The following FIG4 variants were observed in gnomAD, a reference collection of about 807,000 sequenced individuals.
FIG4 encodes FIG4 phosphoinositide 5-phosphatase.
FIG4 carries 112 observed loss-of-function variants against 118.6 expected under a neutral mutation model. That is an observed-to-expected ratio of 0.94 (90% CI 0.81 to 1.11). The LOEUF is 1.11. Ranked by LOEUF, FIG4 falls within the 50% of genes least tolerant of loss-of-function variation. The pLI, the probability that FIG4 is intolerant of heterozygous loss-of-function variation, is 0.00. For synonymous variants in FIG4, 369 were observed against 381.2 expected (o/e 0.97, Z 0.37); for missense variants, 969 against 1,111.7 (o/e 0.87, Z 1.83).
chr6:109,763,989 A>C lies in FIG4; in HGVS notation c.1434+7A>C, dbSNP rs773157476. On this transcript the variant is annotated splice_region_variant and intron_variant, in intron 13 of 22. Coordinates refer to ENST00000230124, the MANE Select transcript of FIG4 (RefSeq NM_014845.6). ...TCCCACTGGTCGCCTGCAGGTATAC[A>C]CAGTATTACAATTCGTAATGAATAG... The C allele has an allele frequency of 3.8e-6, 6 of 1,573,900 alleles. No homozygotes were observed. The highest frequency in any genetic ancestry group is 3.3e-5 in the Admixed American group (2 of 59,966).
chr6:109,734,719 T>G (rs1776110294), intron 5 of FIG4, among the ~76,000 whole-genome samples: 1 of 152,064 alleles, frequency 6.6e-6, no homozygotes, highest in African/African-American at 2.4e-5. Flanking sequence ...CATTAATAAT[T>G]AATAGAATTA....
At chr6:109,752,344 G>A (rs1776735024) in intron 10 of FIG4, among the ~76,000 whole-genome samples, 2 of 151,036 alleles carry the variant, frequency 1.3e-5, no homozygotes, top group Admixed American at 1.3e-4. Context: ...AGTCCTTTGG[G>A]TATATACCCA....
At chr6:109,699,552 G>A (rs1774841409) in intron 1 of FIG4, among the ~76,000 whole-genome samples, 1 of 150,030 alleles carries the variant, frequency 6.7e-6, no homozygotes, top group Non-Finnish European at 1.5e-5. Flanking sequence ...GCCCAGGCTG[G>A]AGTGCAGTGG....
At chr6:109,710,315 G>A (rs1435124583) in intron 1 of FIG4, among the ~76,000 whole-genome samples, 5 of 152,142 alleles carry the variant, frequency 3.3e-5, no homozygotes, top group Non-Finnish European at 5.9e-5. Context: ...CTACTTGATC[G>A]TAGTGGATAA....
chr6:109,786,236 A>G, intron 17 of FIG4, 66 bp from the exon 18 acceptor site: 1 of 1,405,700 alleles, frequency 7.1e-7, no homozygotes, highest in Non-Finnish European at 1.0e-6. Context: ...AACACAGTTA[A>G]TATTATGGAA....
At chr6:109,784,923 C>A in intron 16 of FIG4, 47 bp from the exon 17 acceptor site, 2 of 1,037,842 alleles carry the variant, frequency 1.9e-6, no homozygotes, top group South Asian at 1.4e-5. Context: ...TTTAGAAAAC[C>A]AACATTTACA....
In FIG4 at chr6:109,776,926, C is replaced by T. The variant is rs377111248; in HGVS notation, c.1755C>T (p.Ala585=). 50 of 1,612,430 alleles carry T rather than the reference C, an allele frequency of 3.1e-5. No individual in the cohort carries two copies. Among genetic ancestry groups the T allele is most frequent in the Middle Eastern group, 3.4e-4 (2 of 5,962 alleles). The part of the protein sequence containing the change: ...SRYYSNAFSD[A]DRQDSINLFL... The stretch of plus-strand genomic sequence containing the variant: ...AATATATATTTTGCTTTTTAGATGC[C>T]GATAGACAAGATTCCATTAATCTCT... The change falls in exon 16 of 23, where the codon GCC becomes GCT. Residue 585 remains alanine (A), a synonymous_variant. Transcript: ENST00000230124.
intron 10 of FIG4, among the ~76,000 whole-genome samples, chr6:109,747,781 A>G (rs1017699806): frequency 6.6e-6 from 1 of 152,246 alleles, no homozygotes; most frequent in African/African-American, 2.4e-5. Flanking sequence ...AAGCATACAT[A>G]GTAGAATTAT....
At chr6:109,765,774 A>G (rs1462586009) in intron 14 of FIG4, among the ~76,000 whole-genome samples, 2 of 152,214 alleles carry the variant, frequency 1.3e-5, no homozygotes, top group African/African-American at 4.8e-5. Flanking sequence ...TTCACTGTCT[A>G]TTGGATCTAT....
At chr6:109,744,966 T>G (rs1049777673) in intron 10 of FIG4, among the ~76,000 whole-genome samples, 7 of 152,172 alleles carry the variant, frequency 4.6e-5, no homozygotes, top group Non-Finnish European at 1.0e-4. Context: ...GCAAAGGACA[T>G]GAACTCATCC....
chr6:109,750,325 G>T (rs1233435961), intron 10 of FIG4, among the ~76,000 whole-genome samples: 1 of 152,174 alleles, frequency 6.6e-6, no homozygotes, highest in Non-Finnish European at 1.5e-5. Context: ...GCTGTTAGGG[G>T]GATCTTGGAA....
rs779426765 is a variant in FIG4, at chr6:109,738,400, C to A, written c.722C>A (p.Thr241Asn). ...NGELLDIIKSTVHRDWLLYII... is the reference protein window; with the variant it reads ...NGELLDIIKSNVHRDWLLYII... Reference sequence around the variant, plus strand: ...GAACTTCTGGATATAATTAAAAGTACTGTGCATCGTGACTGGCTTTTGTAT... The same window carrying A: ...GAACTTCTGGATATAATTAAAAGTAATGTGCATCGTGACTGGCTTTTGTAT... The change falls in exon 7 of 23, where the codon ACT (threonine) becomes AAT (asparagine). Residue 241 changes from threonine to asparagine, a missense_variant. Physicochemically the swap from Thr to Asn is moderately conservative, Grantham distance 65. Coordinates refer to ENST00000230124, the MANE Select transcript of FIG4 (RefSeq NM_014845.6). 4 of 1,611,998 alleles carry A rather than the reference C, an allele frequency of 2.5e-6. No homozygotes were observed. Among genetic ancestry groups the A allele is most frequent in the Non-Finnish European group, 3.4e-6 (4 of 1,178,402 alleles).
rs1396964555 is a variant in FIG4, at chr6:109,727,271, T to A, written c.446+6T>A. The A allele has an allele frequency of 3.1e-6, 5 of 1,590,464 alleles. No individual in the cohort carries two copies. Among genetic ancestry groups the A allele is most frequent in the Non-Finnish European group, 4.3e-6 (5 of 1,172,724 alleles). ...ACTCATCCTGATGAAGCTAGGTATG[T>A]ATGGTGGTAACTACCTTTTTTTTTT... On this transcript the variant is annotated splice_donor_region_variant and intron_variant, in intron 4 of 22. Transcript: ENST00000230124.
At chr6:109,771,292 C>CG (rs1777451638) in intron 15 of FIG4, among the ~76,000 whole-genome samples, 1 of 152,144 alleles carries the variant, frequency 6.6e-6, no homozygotes, top group Non-Finnish European at 1.5e-5. Context: ...CAAAGGACAA[C>CG]GGACTGTCCT....
intron 3 of FIG4, among the ~76,000 whole-genome samples, chr6:109,718,577 G>A (rs1238270442): frequency 1.3e-5 from 2 of 152,138 alleles, no homozygotes; most frequent in East Asian, 3.9e-4. Context: ...CATTTTGTGT[G>A]TTAGGTGGCT....
chr6:109,786,338 A>C lies in FIG4; in HGVS notation c.1985A>C (p.Lys662Thr). ...CAVNLKKLIV[K>T]KFHKYEEEID... Reference sequence around the variant, plus strand: ...GTGAACTTAAAGAAGTTGATAGTGAAGAAATTCCACAAATATGAAGAAGAG... The same window carrying C: ...GTGAACTTAAAGAAGTTGATAGTGACGAAATTCCACAAATATGAAGAAGAG... Residue 662 changes from lysine (K) to threonine (T), a missense_variant, in exon 18 of 23, where the codon AAG becomes ACG. Physicochemically the swap from Lys to Thr is moderately conservative, Grantham distance 78. Coordinates refer to ENST00000230124, the MANE Select transcript of FIG4 (RefSeq NM_014845.6). 1.2e-6 allele frequency: 2 copies of C among 1,613,558 alleles called. No individual in the cohort carries two copies. Among genetic ancestry groups the C allele is most frequent in the Non-Finnish European group, 1.7e-6 (2 of 1,179,482 alleles).
Position 109,791,462 on chromosome 6 carries a change from G to A in FIG4, c.2267G>A (p.Ser756Asn). 1 of 1,613,964 alleles carries A rather than the reference G, an allele frequency of 6.2e-7. No homozygotes were observed. Residue 756 changes from serine to asparagine, a missense_variant, in exon 20 of 23, where the codon AGC (serine) becomes AAC (asparagine). This residue lies in a region of FIG4 where 330 missense variants were observed against 348.1 expected (regional missense o/e 0.95). Coordinates refer to ENST00000230124, the MANE Select transcript of FIG4 (RefSeq NM_014845.6). ...PPPPSEEAVS[S>N]SSEDDSGTDR... Reference sequence around the variant, plus strand: ...CCCCCCAGCGAGGAGGCTGTGTCCAGCAGCTCTGAGGATGACTCTGGGACT... The same window carrying A: ...CCCCCCAGCGAGGAGGCTGTGTCCAACAGCTCTGAGGATGACTCTGGGACT...
intron 16 of FIG4, among the ~76,000 whole-genome samples, chr6:109,779,941 G>C (rs1174234228): frequency 6.6e-6 from 1 of 152,120 alleles, no homozygotes; most frequent in Non-Finnish European, 1.5e-5. Context: ...TACCTCACAG[G>C]GTCATTGAGG....
chr6:109,745,941 CA>C (rs1395741573), intron 10 of FIG4, among the ~76,000 whole-genome samples: 4 of 152,042 alleles, frequency 2.6e-5, no homozygotes, highest in Admixed American at 6.6e-5. Context: ...CCCATGTAGC[CA>C]AGACAATCCT....
Sources: gnomAD v4.1 joint callset for allele counts (sites outside exome capture counted in the v4.1 genomes callset) on GRCh38, gnomAD v4.1.1 for gene constraint, gnomAD v4.1.1 regional missense constraint, MANE v1.5 for transcripts, NCBI Gene and HGNC (gene_info 2026-07-23, HGNC 2026-07-21) for gene names.